Variants in KCNIP4 observed in about 807,000 individuals in gnomAD.
KCNIP4 encodes the protein Kv channel-interacting protein 4.
In KCNIP4, 12 loss-of-function variants were observed where a neutral mutation model predicts 34.0. The ratio of observed to expected loss-of-function variants is 0.35; its 90% confidence interval spans 0.23 to 0.57. The LOEUF (loss-of-function observed/expected upper bound fraction) is 0.57, where lower values mean the gene tolerates loss of function less well. Ranked by LOEUF, KCNIP4 falls within the 20% of genes least tolerant of loss-of-function variation. The pLI is 0.83. For synonymous variants in KCNIP4, 124 were observed against 102.2 expected, an observed-to-expected ratio of 1.21 and a Z score of -1.29; for missense variants, 238 against 311.7, an observed-to-expected ratio of 0.76 and a Z score of 1.78.
chr4:21,460,883 C>T (rs1253648525), intron 1 of KCNIP4, among the ~76,000 whole-genome samples: 1 of 151,972 alleles, frequency 6.6e-6, no homozygotes, highest in Non-Finnish European at 1.5e-5. Flanking sequence ...CCTTTAGACC[C>T]CTGCTAGTCA....
chr4:20,896,652 C>T (rs758444084), intron 1 of KCNIP4, among the ~76,000 whole-genome samples: 8 of 152,142 alleles, frequency 5.3e-5, no homozygotes, highest in Non-Finnish European at 1.2e-4. Context: ...CAGAAAGAGC[C>T]TACCCTGTGG....
chr4:21,467,407 G>A (rs570271271), intron 1 of KCNIP4, among the ~76,000 whole-genome samples: 6 of 152,074 alleles, frequency 3.9e-5, no homozygotes, highest in Admixed American at 2.0e-4. Flanking sequence ...GGAGCTACAC[G>A]CAGCCTGCCT....
intron 1 of KCNIP4, among the ~76,000 whole-genome samples, chr4:21,804,262 A>G (rs1446627879): frequency 6.6e-6 from 1 of 152,188 alleles, no homozygotes; most frequent in African/African-American, 2.4e-5. Flanking sequence ...CTGAGCACAC[A>G]TGGTCATTTT....
At chr4:21,782,043 GGAGAGA>G (rs3052652) in intron 1 of KCNIP4, among the ~76,000 whole-genome samples, 1 of 151,116 alleles carries the variant, frequency 6.6e-6, no homozygotes, top group Non-Finnish European at 1.5e-5. Flanking sequence ...GAAATGAAAA[GGAGAGA>G]GAGAAAAATA....
chr4:20,816,505 T>C lies in KCNIP4; in HGVS notation c.288+34038A>G, dbSNP rs147336067. Among the ~76,000 whole-genome samples, 1,077 of 152,264 alleles carry C rather than the reference T, an allele frequency of 7.1e-3. 7 individuals are homozygous for C. The highest frequency in any genetic ancestry group is 0.012 in the Non-Finnish European group (783 of 68,026). On this transcript the variant is annotated intron_variant, in intron 3 of 8. Transcript: ENST00000382152. The stretch of plus-strand genomic sequence containing the variant: ...AGCCATCCTGAAACATTAAACCCAA[T>C]TTCCTTATCCCCAGCAGGTATCTGG...
Position 21,292,624 on chromosome 4 carries a change from A to G in KCNIP4, c.62-409915T>C, listed in dbSNP as rs117752840. Among the ~76,000 whole-genome samples, 3 of 152,238 alleles carry G rather than the reference A, an allele frequency of 2.0e-5. No homozygotes were observed. In the East Asian group the frequency reaches 5.8e-4, roughly 30 times the overall value. On this transcript the variant is annotated intron_variant, in intron 1 of 8. Coordinates refer to ENST00000382152, the MANE Select transcript of KCNIP4 (RefSeq NM_025221.6). ...TAAATTCACTTCCCCAGGCTCTGAT[A>G]AGACTATATGGTATTTCCTTTCTCC...
At chr4:21,250,541 A>T (rs952931318) in intron 1 of KCNIP4, among the ~76,000 whole-genome samples, 6 of 152,306 alleles carry the variant, frequency 3.9e-5, no homozygotes, top group African/African-American at 1.4e-4. Flanking sequence ...ACAAAATTTG[A>T]TACTGACTTC....
At chr4:20,852,207 C>G (rs1047624318) in intron 2 of KCNIP4, among the ~76,000 whole-genome samples, 1 of 152,090 alleles carries the variant, frequency 6.6e-6, no homozygotes, top group East Asian at 1.9e-4. Context: ...CCTTGATGAA[C>G]ATAGATGTTA....
At chr4:21,380,456 GGGGAGAGAGAGA>G (rs1721387908) in intron 1 of KCNIP4, among the ~76,000 whole-genome samples, 2 of 140,670 alleles carry the variant, frequency 1.4e-5, no homozygotes, top group South Asian at 2.4e-4. Flanking sequence ...AGAGGGAGAG[GGGGAGAGAGAGA>G]GAGAGAGGGA....
chr4:21,290,837 A>G (rs1162839335), intron 1 of KCNIP4, among the ~76,000 whole-genome samples: 7 of 152,176 alleles, frequency 4.6e-5, no homozygotes, highest in Non-Finnish European at 7.4e-5. Context: ...CTGGCAAGCA[A>G]CAACTAGGTA....
chr4:21,304,755 G>A (rs1712247203), intron 1 of KCNIP4: 1 of 152,218 alleles, frequency 6.6e-6, no homozygotes, highest in East Asian at 1.9e-4. Context: ...TAATATTCTG[G>A]TTTGAGTAGT....
intron 1 of KCNIP4, among the ~76,000 whole-genome samples, chr4:21,090,971 T>G (rs1746945802): frequency 6.6e-6 from 1 of 152,302 alleles, no homozygotes; most frequent in Non-Finnish European, 1.5e-5. Context: ...TAAATGTGAT[T>G]TTGACATATG....
chr4:20,864,861 A>T (rs1722711289), intron 2 of KCNIP4, among the ~76,000 whole-genome samples: 2 of 152,102 alleles, frequency 1.3e-5, no homozygotes, highest in African/African-American at 4.8e-5. Context: ...CTACTGCAGC[A>T]CTTTGTCAGA....
intron 1 of KCNIP4, among the ~76,000 whole-genome samples, chr4:21,786,676 T>C (rs1577987612): frequency 6.6e-6 from 1 of 151,150 alleles, no homozygotes; most frequent in South Asian, 2.1e-4. Context: ...CATGCCATTC[T>C]CCTGCCTCAG....
At chr4:21,937,785 C>T (rs1189805741) in intron 1 of KCNIP4, among the ~76,000 whole-genome samples, 2 of 152,032 alleles carry the variant, frequency 1.3e-5, no homozygotes, top group African/African-American at 2.4e-5. Flanking sequence ...CTCTGCCTTC[C>T]ACTGCATGAC....
chr4:21,646,329 C>T (rs995176629), intron 1 of KCNIP4, among the ~76,000 whole-genome samples: 2 of 152,126 alleles, frequency 1.3e-5, no homozygotes, highest in African/African-American at 2.4e-5. Flanking sequence ...TCTTGCTATC[C>T]TATTAAATGT....
At chr4:20,860,101 G>T (rs1048439929) in intron 2 of KCNIP4, among the ~76,000 whole-genome samples, 1 of 151,992 alleles carries the variant, frequency 6.6e-6, no homozygotes, top group Admixed American at 6.6e-5. Flanking sequence ...AGAATAGTGA[G>T]TGTATCTACA....
chr4:21,103,805 A>G (rs56120700), intron 1 of KCNIP4, among the ~76,000 whole-genome samples: 41,021 of 141,452 alleles, frequency 0.29, 6,429 homozygotes, highest in African/African-American at 0.44. Context: ...TCATTGTTCA[A>G]TTCCCACCTA....
chr4:21,609,629 T>C (rs1482372571), intron 1 of KCNIP4, among the ~76,000 whole-genome samples: 3 of 152,180 alleles, frequency 2.0e-5, no homozygotes, highest in Non-Finnish European at 2.9e-5. Flanking sequence ...ATGAAGATGA[T>C]ATTTCTTAAC....
Sources: allele counts gnomAD v4.1 joint callset (sites outside exome capture counted in the v4.1 genomes callset), GRCh38; gene constraint gnomAD v4.1.1; transcripts MANE v1.5; gene names NCBI Gene and HGNC (gene_info 2026-07-23, HGNC 2026-07-21).